The following MAN1A1 variants were observed in gnomAD, a reference collection of about 807,000 sequenced individuals.
MAN1A1 encodes the protein mannosidase alpha class 1A member 1.
MAN1A1 carries 29 observed loss-of-function variants against 70.8 expected under a neutral mutation model. The observed-to-expected ratio is 0.41, with a 90% CI of 0.31 to 0.56. MAN1A1 has a LOEUF of 0.56. Ranked by LOEUF, MAN1A1 falls within the 20% of genes least tolerant of loss-of-function variation. The pLI, the probability that MAN1A1 is intolerant of heterozygous loss-of-function variation, is 0.29. For missense variants in MAN1A1, 747 were observed against 841.3 expected (o/e 0.89, Z 1.39); for synonymous variants, 349 against 330.1 (o/e 1.06, Z -0.62).
intron 6 of MAN1A1, among the ~76,000 whole-genome samples, chr6:119,241,153 A>T (rs1774993241): frequency 6.6e-6 from 1 of 151,534 alleles, no homozygotes; most frequent in African/African-American, 2.4e-5. Context: ...TCACTGGATT[A>T]AAAAAAAAGT....
chr6:119,344,297 C>T (rs1773670655), intron 2 of MAN1A1, among the ~76,000 whole-genome samples: 1 of 152,180 alleles, frequency 6.6e-6, no homozygotes, highest in African/African-American at 2.4e-5. Context: ...CTATCAACAG[C>T]TTACAGAAAA....
intron 6 of MAN1A1, among the ~76,000 whole-genome samples, chr6:119,236,922 A>G (rs1159156596): frequency 6.6e-6 from 1 of 151,936 alleles, no homozygotes; most frequent in Non-Finnish European, 1.5e-5. Context: ...CATTAACAGG[A>G]GTTTGGAAGA....
intron 3 of MAN1A1, among the ~76,000 whole-genome samples, chr6:119,306,658 C>G (rs949490843): frequency 1.3e-5 from 2 of 152,090 alleles, no homozygotes; most frequent in African/African-American, 4.8e-5. Flanking sequence ...GAAGTATGCC[C>G]CAGGCGTCAG....
chr6:119,195,780 AG>A (rs1773553346), intron 8 of MAN1A1, among the ~76,000 whole-genome samples: 1 of 152,146 alleles, frequency 6.6e-6, no homozygotes, highest in South Asian at 2.1e-4. Context: ...GTTTTAAAGT[AG>A]TTAAGTATGT....
At chr6:119,182,090 A>G (rs936802482) in intron 11 of MAN1A1, among the ~76,000 whole-genome samples, 2 of 152,208 alleles carry the variant, frequency 1.3e-5, no homozygotes, top group Non-Finnish European at 2.9e-5. Flanking sequence ...GTATGAGGTG[A>G]TATCTCACTG....
intron 6 of MAN1A1, among the ~76,000 whole-genome samples, chr6:119,232,674 T>C (rs375672451): frequency 3.3e-5 from 4 of 122,012 alleles, no homozygotes; most frequent in East Asian, 2.5e-4. Context: ...TATATACACA[T>C]ATATATGTGT....
chr6:119,260,339 TA>T (rs1349625383), intron 5 of MAN1A1, among the ~76,000 whole-genome samples: 1 of 152,216 alleles, frequency 6.6e-6, no homozygotes, highest in Non-Finnish European at 1.5e-5. Context: ...AGTTCTGGTA[TA>T]ATAAGGATAC....
intron 4 of MAN1A1, among the ~76,000 whole-genome samples, chr6:119,299,222 T>C (rs1163942230): frequency 1.3e-5 from 2 of 152,098 alleles, no homozygotes; most frequent in Non-Finnish European, 2.9e-5. Context: ...CTTCACAATG[T>C]AATGATTAGA....
chr6:119,347,977 T>C (rs1382911177), intron 2 of MAN1A1, among the ~76,000 whole-genome samples: 1 of 152,232 alleles, frequency 6.6e-6, no homozygotes, highest in Non-Finnish European at 1.5e-5. Flanking sequence ...GTTTCACCTT[T>C]ATAGTCTGAA....
chr6:119,348,737 G>T lies in MAN1A1; in HGVS notation c.329C>A (p.Pro110His), dbSNP rs1362554428. The T allele has an allele frequency of 2.5e-6, 4 of 1,570,966 alleles. No individual in the cohort carries two copies. In the African/African-American group the frequency reaches 5.6e-5, roughly 22 times the overall value. Residue 110 changes from proline to histidine, a missense_variant, in exon 2 of 13, where the codon CCC becomes CAC. By Grantham distance (77) the Pro-to-His change is moderately conservative. This residue lies in a region of MAN1A1 where 328 missense variants were observed against 293.1 expected (regional missense o/e 1.12). Transcript: ENST00000368468. ...GRARRREEGA[P>H]GDPEAALEDN... The stretch of plus-strand genomic sequence containing the variant: ...CTCCAGGGCGGCCTCCGGGTCCCCG[G>T]GTGCCCCCTCCTCGCGGCGCCGGGC...
chr6:119,205,941 C>T (rs1247686577), intron 6 of MAN1A1, among the ~76,000 whole-genome samples: 2 of 152,192 alleles, frequency 1.3e-5, no homozygotes, highest in African/African-American at 4.8e-5. Flanking sequence ...TAAATAGTTC[C>T]AATCACACAT....
upstream of MAN1A1, among the ~76,000 whole-genome samples, chr6:119,350,200 G>A (rs920896858): frequency 1.1e-4 from 17 of 152,208 alleles, no homozygotes; most frequent in Non-Finnish European, 2.2e-4. Flanking sequence ...CTCCCGAGGG[G>A]GTCCCGGGAA....
chr6:119,182,521 G>GTT (rs994910048), intron 11 of MAN1A1, among the ~76,000 whole-genome samples: 17 of 141,962 alleles, frequency 1.2e-4, no homozygotes, highest in African/African-American at 3.9e-4. Context: ...ATTTTGAGTT[G>GTT]TTTTTTTTTT....
chr6:119,311,506 G>A (rs1426207062), intron 2 of MAN1A1, among the ~76,000 whole-genome samples: 2 of 152,164 alleles, frequency 1.3e-5, no homozygotes, highest in Admixed American at 6.5e-5. Context: ...TCTTAGTTGT[G>A]CCAAGGTACT....
chr6:119,232,784 T>C (rs1191639415), intron 6 of MAN1A1, among the ~76,000 whole-genome samples: 1 of 152,012 alleles, frequency 6.6e-6, no homozygotes, highest in Admixed American at 6.6e-5. Context: ...TTAGCTTATC[T>C]GGCTGCCTAT....
chr6:119,298,041 C>T (rs1379091850), intron 4 of MAN1A1, among the ~76,000 whole-genome samples: 1 of 152,096 alleles, frequency 6.6e-6, no homozygotes, highest in Non-Finnish European at 1.5e-5. Context: ...AGACTAAATG[C>T]TCCATAAGGG....
chr6:119,321,497 G>A (rs1326893100), intron 2 of MAN1A1, among the ~76,000 whole-genome samples: 3 of 151,898 alleles, frequency 2.0e-5, no homozygotes, highest in Non-Finnish European at 2.9e-5. Context: ...TGTCCCTCTC[G>A]CCTGCTTCCT....
At chr6:119,237,405 G>A (rs1261457600) in intron 6 of MAN1A1, among the ~76,000 whole-genome samples, 3 of 152,144 alleles carry the variant, frequency 2.0e-5, no homozygotes, top group African/African-American at 4.8e-5. Context: ...TGGACCACAC[G>A]GAACTCCCTC....
chr6:119,239,591 T>C (rs547402128), intron 6 of MAN1A1, among the ~76,000 whole-genome samples: 1 of 152,386 alleles, frequency 6.6e-6, no homozygotes, highest in South Asian at 2.1e-4. Flanking sequence ...TTAACAATTA[T>C]GAGGGCTGAT....
Sources: allele counts gnomAD v4.1 joint callset (sites outside exome capture counted in the v4.1 genomes callset), GRCh38; gene constraint gnomAD v4.1.1; regional missense constraint gnomAD v4.1.1; transcripts MANE v1.5; gene names NCBI Gene and HGNC (gene_info 2026-07-23, HGNC 2026-07-21).